Variants in DOCK1 observed in about 807,000 individuals in gnomAD.
DOCK1 encodes dedicator of cytokinesis protein 1.
DOCK1 carries 138 observed loss-of-function variants against 262.7 expected under a neutral mutation model. That is an observed-to-expected ratio of 0.53 (90% CI 0.46 to 0.61). The LOEUF is 0.61. Ranked by LOEUF, DOCK1 falls within the 20% of genes least tolerant of loss-of-function variation. DOCK1 has a pLI of 0.00. For synonymous variants in DOCK1, 866 were observed against 867.4 expected (o/e 1.00, Z 0.03); for missense variants, 1,908 against 2,370.7 (o/e 0.80, Z 4.05).
At chr10:127,035,559 C>T (rs1046131271) in intron 18 of DOCK1, among the ~76,000 whole-genome samples, 2 of 152,124 alleles carry the variant, frequency 1.3e-5, no homozygotes, top group African/African-American at 4.8e-5. Flanking sequence ...TACAATACAG[C>T]GTGCCACCAA....
At chr10:127,025,000 A>C (rs2042726483) in intron 15 of DOCK1, 1 of 426,870 alleles carries the variant, frequency 2.3e-6, no homozygotes, top group South Asian at 4.5e-5. Context: ...TAGGACGTTC[A>C]TGGAGACAAA....
intron 27 of DOCK1, among the ~76,000 whole-genome samples, chr10:127,241,796 C>CA (rs1330109928): frequency 6.6e-6 from 1 of 152,108 alleles, no homozygotes; most frequent in Non-Finnish European, 1.5e-5. Context: ...TGGTTCTTGT[C>CA]ATTTTCTTCT....
intron 29 of DOCK1, among the ~76,000 whole-genome samples, chr10:127,319,634 C>G (rs186205282): frequency 1.3e-5 from 2 of 152,116 alleles, no homozygotes; most frequent in African/African-American, 4.8e-5. Context: ...TTGGTGAATA[C>G]GATTTACTAG....
intron 1 of DOCK1, among the ~76,000 whole-genome samples, chr10:126,949,802 GACA>G (rs2036031147): frequency 6.6e-6 from 1 of 152,018 alleles, no homozygotes; most frequent in African/African-American, 2.4e-5. Flanking sequence ...CTTTTGTTTT[GACA>G]TGTCTCTGGC....
intron 29 of DOCK1, among the ~76,000 whole-genome samples, chr10:127,314,350 C>T (rs1284316249): frequency 6.6e-6 from 1 of 152,186 alleles, no homozygotes; most frequent in Non-Finnish European, 1.5e-5. Flanking sequence ...TAAAGGACTA[C>T]CTGGAGACCA....
rs139420130 is a variant in DOCK1 at position 127,449,567 on chromosome 10, G to T, written c.5566-1765G>T. On this transcript the variant is annotated intron_variant, in intron 51 of 51. Coordinates refer to ENST00000623213, the MANE Select transcript of DOCK1 (RefSeq NM_001290223.2). ...GAATTCAATTAGATTAATGACCCAG[G>T]TGTCTTTGGTCTTTGTTTCTTGTTT... 9.2e-5 allele frequency among the ~76,000 whole-genome samples: 14 copies of T among 152,242 alleles called. No individual in the cohort carries two copies. The East Asian group carries it at 2.3e-3, about 25-fold the overall frequency.
intron 32 of DOCK1, 44 bp from the exon 33 acceptor site, chr10:127,362,020 T>G: frequency 1.3e-6 from 2 of 1,544,678 alleles, no homozygotes; most frequent in Non-Finnish European, 1.7e-6. Context: ...ATTTTAGAAT[T>G]CTATTTTTCT....
chr10:126,968,820 T>C (rs1423657271), intron 1 of DOCK1, among the ~76,000 whole-genome samples: 4 of 152,228 alleles, frequency 2.6e-5, no homozygotes, highest in Non-Finnish European at 5.9e-5. Flanking sequence ...CAGTTATTTC[T>C]TGTTAAAGAT....
At chr10:127,292,060 T>A (rs2766071) in intron 29 of DOCK1, among the ~76,000 whole-genome samples, 41,547 of 152,058 alleles carry the variant, frequency 0.27, 6,731 homozygotes, top group African/African-American at 0.46. Flanking sequence ...GTGCCTCTGG[T>A]TATATTTCAA....
chr10:127,343,564 A>C, intron 30 of DOCK1, 82 bp from the exon 31 acceptor site: 1 of 1,135,460 alleles, frequency 8.8e-7, no homozygotes, highest in Non-Finnish European at 1.3e-6. Flanking sequence ...GTGCTGAGCA[A>C]ATGATAAATG....
At chr10:126,949,429 C>G (rs911599418) in intron 1 of DOCK1, among the ~76,000 whole-genome samples, 5 of 152,124 alleles carry the variant, frequency 3.3e-5, no homozygotes, top group Admixed American at 3.3e-4. Flanking sequence ...AACACACCTA[C>G]CAACTATACA....
At chr10:127,001,944 A>C (rs2040624836) in intron 10 of DOCK1, among the ~76,000 whole-genome samples, 1 of 152,008 alleles carries the variant, frequency 6.6e-6, no homozygotes, top group East Asian at 1.9e-4. Flanking sequence ...TGCTGCCCCG[A>C]CCTCCTGGGC....
In DOCK1 at chr10:126,964,171, G is replaced by C. The variant is rs2037488534; in HGVS notation, c.47-6531G>C. ...CTATAAACGGCTGGTCTCTGCCCCA[G>C]GGTCAAGTTGAAAGGGTGTGTATAA... On this transcript the variant is annotated intron_variant, in intron 1 of 51. Coordinates refer to ENST00000623213, the MANE Select transcript of DOCK1 (RefSeq NM_001290223.2). Among the ~76,000 whole-genome samples the C allele has an allele frequency of 2.6e-5, 4 of 152,302 alleles. No individual in the cohort carries two copies. In the South Asian group the frequency reaches 8.3e-4, roughly 32 times the overall value.
intron 29 of DOCK1, among the ~76,000 whole-genome samples, chr10:127,295,544 G>A (rs2061477416): frequency 1.3e-5 from 2 of 152,090 alleles, no homozygotes; most frequent in South Asian, 4.2e-4. Flanking sequence ...GAAATACCTA[G>A]GTGTGGTTGT....
intron 5 of DOCK1, among the ~76,000 whole-genome samples, chr10:126,989,455 T>C (rs1434038367): frequency 6.6e-6 from 1 of 152,114 alleles, no homozygotes; most frequent in East Asian, 1.9e-4. Flanking sequence ...GCCTCCTGAG[T>C]AGCTGGGACT....
At position 127,437,699 on chromosome 10, in the gene DOCK1, G is replaced by A. The variant is rs1050772681; in HGVS notation, c.5061-1328G>A. 6.6e-6 allele frequency among the ~76,000 whole-genome samples: 1 copy of A among 152,052 alleles called. No homozygotes were observed. Among genetic ancestry groups the A allele is most frequent in the Non-Finnish European group, 1.5e-5 (1 of 67,996 alleles). On this transcript the variant is annotated intron_variant, in intron 48 of 51. Transcript: ENST00000623213. The surrounding 1 kb of genome is among the most constrained non-coding windows in gnomAD (Gnocchi z 4.4). ...TTGCCATGTTGGCCAGGCTGGTCTCGAACTCCTGAGCTCAAATGATCCACC... is the reference window on the plus strand; with the variant it reads ...TTGCCATGTTGGCCAGGCTGGTCTCAAACTCCTGAGCTCAAATGATCCACC...
chr10:127,361,328 A>G (rs768613453), intron 32 of DOCK1, among the ~76,000 whole-genome samples: 21 of 151,886 alleles, frequency 1.4e-4, no homozygotes, highest in East Asian at 1.2e-3. Flanking sequence ...GTTAGCCAGG[A>G]TGGTCTCGAT....
At chr10:127,403,711 A>G (rs1462182091) in intron 39 of DOCK1, among the ~76,000 whole-genome samples, 6 of 152,192 alleles carry the variant, frequency 3.9e-5, no homozygotes, top group Non-Finnish European at 1.5e-5. Context: ...GTGAGCTGAG[A>G]TCGCGCCAAT....
At chr10:127,020,559 A>C (rs1009498511) in intron 13 of DOCK1, among the ~76,000 whole-genome samples, 5 of 147,684 alleles carry the variant, frequency 3.4e-5, no homozygotes, top group Non-Finnish European at 7.4e-5. Flanking sequence ...CAGAGAGAGA[A>C]CCTGTCTCAA....
Sources: gnomAD v4.1 joint callset for allele counts (sites outside exome capture counted in the v4.1 genomes callset) on GRCh38, gnomAD v4.1.1 for gene constraint, Gnocchi (gnomAD v3.1) non-coding constraint, MANE v1.5 for transcripts, NCBI Gene and HGNC (gene_info 2026-07-23, HGNC 2026-07-21) for gene names.